Variants in RIPOR2 observed in about 807,000 individuals in gnomAD.
The protein encoded by RIPOR2 is RHO family interacting cell polarization regulator 2.
RIPOR2 carries 39 observed loss-of-function variants against 114.5 expected under a neutral mutation model. The observed-to-expected ratio is 0.34, with a 90% CI of 0.26 to 0.44. The LOEUF is 0.44. Among genes scored for constraint, RIPOR2 ranks in the 20% least tolerant of loss-of-function variants. The pLI, the probability that RIPOR2 is intolerant of heterozygous loss-of-function variation, is 1.00. For missense variants in RIPOR2, 1,007 were observed against 1,255.1 expected (o/e 0.80, Z 2.99); for synonymous variants, 445 against 484.4 (o/e 0.92, Z 1.07).
intron 1 of RIPOR2, among the ~76,000 whole-genome samples, chr6:24,967,104 TA>T (rs375405451): frequency 3.9e-5 from 6 of 152,318 alleles, no homozygotes; most frequent in African/African-American, 1.4e-4. Flanking sequence ...AACTGGTACA[TA>T]ATTAGAAGGG....
intron 12 of RIPOR2, among the ~76,000 whole-genome samples, chr6:24,845,786 A>C (rs1419551105): frequency 6.6e-6 from 1 of 152,160 alleles, no homozygotes; most frequent in African/African-American, 2.4e-5. Flanking sequence ...GCTGCCTGTG[A>C]AAGAGCCAAT....
At chr6:24,865,568 G>T in intron 6 of RIPOR2, 118 bp from the exon 7 acceptor site, 1 of 821,734 alleles carries the variant, frequency 1.2e-6, no homozygotes, top group Non-Finnish European at 1.8e-6. Context: ...GAATCCTGTA[G>T]AAGTATTATC....
rs375474134 is a variant in RIPOR2, at chr6:24,843,140, C to A, written c.1579G>T (p.Ala527Ser). Residue 527 changes from alanine to serine, a missense_variant, in exon 13 of 22, where the codon GCC becomes TCC. Coordinates refer to ENST00000643898, the MANE Select transcript of RIPOR2 (RefSeq NM_001286445.3). ...AEALLQESEE[A>S]SELKPVELDT... Reference sequence around the variant, plus strand: ...AGTTCCACAGGCTTGAGCTCAGAGGCCTCCTCAGACTCTTGCAGAAGTGCT... The same window carrying A: ...AGTTCCACAGGCTTGAGCTCAGAGGACTCCTCAGACTCTTGCAGAAGTGCT... 8.7e-6 allele frequency: 14 copies of A among 1,613,872 alleles called. No homozygotes were observed. Among genetic ancestry groups the A allele is most frequent in the African/African-American group, 1.3e-5 (1 of 74,934 alleles).
At chr6:24,911,977 C>T (rs1252365496) in intron 1 of RIPOR2, among the ~76,000 whole-genome samples, 1 of 152,188 alleles carries the variant, frequency 6.6e-6, no homozygotes, top group Non-Finnish European at 1.5e-5. Flanking sequence ...GAGACATTAG[C>T]CGAAAGGGAA....
intron 1 of RIPOR2, among the ~76,000 whole-genome samples, chr6:24,908,132 G>A (rs927920696): frequency 3.2e-4 from 49 of 152,220 alleles, no homozygotes; most frequent in Non-Finnish European, 2.2e-4. Flanking sequence ...TCACAAGCAC[G>A]AGGCCCTACT....
intron 1 of RIPOR2, chr6:24,977,122 T>A (rs2098434651): frequency 5.6e-6 from 4 of 720,668 alleles, no homozygotes; most frequent in Non-Finnish European, 7.0e-6. Flanking sequence ...TTTTCCTTGT[T>A]CCCTCCCATG....
intron 1 of RIPOR2, among the ~76,000 whole-genome samples, chr6:24,916,219 T>C (rs1036981893): frequency 2.6e-5 from 4 of 152,140 alleles, no homozygotes; most frequent in Admixed American, 2.6e-4. Flanking sequence ...ACCTTTAATA[T>C]TTGGCTCTAA....
intron 21 of RIPOR2, among the ~76,000 whole-genome samples, chr6:24,806,942 T>C (rs1052521405): frequency 6.6e-6 from 1 of 152,246 alleles, no homozygotes; most frequent in Non-Finnish European, 1.5e-5. Context: ...TACTTTTTAC[T>C]ATGTAAACAT....
At chr6:24,892,432 G>A (rs375643854) in intron 1 of RIPOR2, among the ~76,000 whole-genome samples, 5 of 152,212 alleles carry the variant, frequency 3.3e-5, no homozygotes, top group South Asian at 4.1e-4. Context: ...CACCCAGGAC[G>A]TACTCTATCC....
At chr6:24,921,785 C>T (rs1221861878) in intron 1 of RIPOR2, among the ~76,000 whole-genome samples, 1 of 151,960 alleles carries the variant, frequency 6.6e-6, no homozygotes, top group Non-Finnish European at 1.5e-5. Flanking sequence ...CAGAACTGAA[C>T]CAAGCATGTG....
chr6:24,872,389 T>A (rs1765265926), intron 4 of RIPOR2, among the ~76,000 whole-genome samples: 1 of 152,136 alleles, frequency 6.6e-6, no homozygotes, highest in Non-Finnish European at 1.5e-5. Context: ...TTATATTTTT[T>A]AAAAACACAG....
At chr6:24,912,511 G>A (rs1269695999) in intron 1 of RIPOR2, among the ~76,000 whole-genome samples, 1 of 91,734 alleles carries the variant, frequency 1.1e-5, no homozygotes, top group African/African-American at 5.6e-5. Context: ...TAGCACCTTA[G>A]TTTACTCTCC....
In RIPOR2 at chr6:24,890,142, G is replaced by A. The variant is rs577320478; in HGVS notation, c.62-14325C>T. 1.1e-4 allele frequency among the ~76,000 whole-genome samples: 16 copies of A among 152,040 alleles called. No homozygotes were observed. The South Asian group carries it at 2.7e-3, about 26-fold the overall frequency. On this transcript the variant is annotated intron_variant, in intron 1 of 21. Coordinates refer to ENST00000643898, the MANE Select transcript of RIPOR2 (RefSeq NM_001286445.3). Reference sequence around the variant, plus strand: ...ACTCCTGATCTCAGGAGATCCACCCGCCTCAGCCTCCCAAAGTACTGGGAT... The same window carrying A: ...ACTCCTGATCTCAGGAGATCCACCCACCTCAGCCTCCCAAAGTACTGGGAT...
intron 1 of RIPOR2, among the ~76,000 whole-genome samples, chr6:24,994,548 G>T (rs564906600): frequency 6.6e-5 from 10 of 152,228 alleles, no homozygotes; most frequent in Middle Eastern, 3.4e-3. Context: ...GCCCACTTTC[G>T]ATTTTTCTAC....
chr6:24,981,795 A>G (rs1239340290), intron 1 of RIPOR2, among the ~76,000 whole-genome samples: 1 of 152,276 alleles, frequency 6.6e-6, no homozygotes, highest in Non-Finnish European at 1.5e-5. Flanking sequence ...GAGTATAGTA[A>G]CAGCTACCTC....
intron 8 of RIPOR2, among the ~76,000 whole-genome samples, chr6:24,859,390 A>G (rs1490972605): frequency 6.6e-6 from 1 of 152,144 alleles, no homozygotes; most frequent in Admixed American, 6.5e-5. Context: ...ACACTGATTC[A>G]GGGCAGTTAT....
intron 1 of RIPOR2, among the ~76,000 whole-genome samples, chr6:25,021,031 G>T (rs772766097): frequency 2.8e-4 from 42 of 152,052 alleles, no homozygotes; most frequent in African/African-American, 6.5e-4. Context: ...TAATTTTTTT[G>T]TATTTTTAGT....
chr6:24,996,801 G>A (rs960766512), intron 1 of RIPOR2, among the ~76,000 whole-genome samples: 2 of 152,168 alleles, frequency 1.3e-5, no homozygotes, highest in African/African-American at 4.8e-5. Flanking sequence ...AGCACTTACT[G>A]TATTGTTCAT....
At chr6:24,818,371 A>G (rs1759370177) in intron 20 of RIPOR2, among the ~76,000 whole-genome samples, 171 bp downstream of exon 20, 1 of 152,230 alleles carries the variant, frequency 6.6e-6, no homozygotes, top group South Asian at 2.1e-4. Context: ...ACAAAGTCAC[A>G]TGTAATTACT....
Sources: gnomAD v4.1 joint callset for allele counts (sites outside exome capture counted in the v4.1 genomes callset) on GRCh38, gnomAD v4.1.1 for gene constraint, MANE v1.5 for transcripts, NCBI Gene and HGNC (gene_info 2026-07-23, HGNC 2026-07-21) for gene names.